CTNNA2: variants seen among roughly 807,000 people sequenced by gnomAD.
The protein encoded by CTNNA2 is catenin alpha-2.
CTNNA2 carries 42 observed loss-of-function variants against 101.0 expected under a neutral mutation model. The ratio of observed to expected loss-of-function variants is 0.42; its 90% CI spans 0.32 to 0.54. The LOEUF is 0.54. CTNNA2 is among the 20% of genes least tolerant of loss of function. CTNNA2 has a pLI of 0.14. For missense variants in CTNNA2, 871 were observed against 1,223.1 expected (o/e 0.71, Z 4.29); for synonymous variants, 450 against 456.4 (o/e 0.99, Z 0.18).
At chr2:79,265,083 G>T (rs1674972213) in intron 2 of CTNNA2, among the ~76,000 whole-genome samples, 2 of 152,108 alleles carry the variant, frequency 1.3e-5, no homozygotes, top group African/African-American at 4.8e-5. Context: ...TGCTTCCAGT[G>T]TAACAGTATT....
chr2:80,346,578 T>C (rs1672755482), intron 7 of CTNNA2, among the ~76,000 whole-genome samples: 1 of 152,204 alleles, frequency 6.6e-6, no homozygotes, highest in Non-Finnish European at 1.5e-5. Context: ...GTATCACCTT[T>C]GTAGCTTTCT....
At chr2:79,438,372 A>G (rs1382643105) in intron 4 of CTNNA2, among the ~76,000 whole-genome samples, 1 of 152,194 alleles carries the variant, frequency 6.6e-6, no homozygotes, top group Non-Finnish European at 1.5e-5. Flanking sequence ...TAATCTAGCC[A>G]TCCCAGTTTG....
intron 2 of CTNNA2, among the ~76,000 whole-genome samples, chr2:79,702,716 G>T (rs764125777): frequency 6.6e-6 from 1 of 152,170 alleles, no homozygotes; most frequent in Non-Finnish European, 1.5e-5. Flanking sequence ...GACTGTTTCT[G>T]GAGTTTTCTA....
intron 7 of CTNNA2, among the ~76,000 whole-genome samples, chr2:79,939,196 C>T (rs1262010126): frequency 6.6e-6 from 1 of 152,138 alleles, no homozygotes; most frequent in East Asian, 1.9e-4. Flanking sequence ...ATTCAAGGCA[C>T]AGCACCAAGT....
At chr2:79,847,542 CAAAAAAAAA>C (rs70940050) in intron 3 of CTNNA2, among the ~76,000 whole-genome samples, 7 of 40,168 alleles carry the variant, frequency 1.7e-4, no homozygotes, top group Middle Eastern at 0.077. Context: ...GACTCTGTCT[CAAAAAAAAA>C]AAAAAAAAAA....
chr2:79,596,639 A>G (rs888920137), intron 1 of CTNNA2, among the ~76,000 whole-genome samples: 1 of 152,198 alleles, frequency 6.6e-6, no homozygotes, highest in Non-Finnish European at 1.5e-5. Flanking sequence ...AGCTTTCTGC[A>G]AAAGAAAGGC....
intron 12 of CTNNA2, among the ~76,000 whole-genome samples, chr2:80,559,320 G>T (rs1693339324): frequency 6.6e-6 from 1 of 152,196 alleles, no homozygotes. Flanking sequence ...GGATGTTGCT[G>T]CTGAAGGTGT....
At chr2:80,066,866 A>G (rs925768666) in intron 7 of CTNNA2, among the ~76,000 whole-genome samples, 1 of 152,214 alleles carries the variant, frequency 6.6e-6, no homozygotes, top group South Asian at 2.1e-4. Flanking sequence ...ATGGATAAAG[A>G]AAACGTGGTG....
At chr2:80,036,307 C>T (rs1260411430) in intron 7 of CTNNA2, among the ~76,000 whole-genome samples, 2 of 152,142 alleles carry the variant, frequency 1.3e-5, no homozygotes, top group African/African-American at 4.8e-5. Flanking sequence ...TAGGTTAAGA[C>T]ACTCAGACAG....
At chr2:80,428,523 G>A (rs1307053351) in intron 9 of CTNNA2, among the ~76,000 whole-genome samples, 1 of 152,126 alleles carries the variant, frequency 6.6e-6, no homozygotes, top group Non-Finnish European at 1.5e-5. Flanking sequence ...ACAGAGAAGA[G>A]TCTGGGATGA....
chr2:79,934,749 A>G (rs1687668312), intron 7 of CTNNA2, among the ~76,000 whole-genome samples: 1 of 152,200 alleles, frequency 6.6e-6, no homozygotes, highest in Non-Finnish European at 1.5e-5. Flanking sequence ...ATTTCCCCCC[A>G]AAAAAGACAT....
chr2:79,448,779 G>T (rs1293603731), intron 4 of CTNNA2, among the ~76,000 whole-genome samples: 1 of 152,048 alleles, frequency 6.6e-6, no homozygotes, highest in Non-Finnish European at 1.5e-5. Flanking sequence ...GTTAGTTTAT[G>T]CCATGAAGAG....
chr2:79,439,401 C>A (rs1678753951), intron 4 of CTNNA2, among the ~76,000 whole-genome samples: 1 of 152,132 alleles, frequency 6.6e-6, no homozygotes, highest in Non-Finnish European at 1.5e-5. Context: ...TTTGTGGTTT[C>A]TAAGGACTAA....
chr2:80,500,035 A>T (rs938509429), intron 9 of CTNNA2, among the ~76,000 whole-genome samples: 14 of 152,276 alleles, frequency 9.2e-5, no homozygotes, highest in African/African-American at 3.4e-4. Context: ...TTATACAAAA[A>T]ATCCAAATGC....
At chr2:79,796,324 CT>C (rs1675692542) in intron 3 of CTNNA2, among the ~76,000 whole-genome samples, 1 of 147,300 alleles carries the variant, frequency 6.8e-6, no homozygotes, top group Non-Finnish European at 1.5e-5. Flanking sequence ...GGAGGCGGAG[CT>C]TGCAGTGAGC....
At chr2:79,549,584 AATG>A (rs1479986238) in intron 1 of CTNNA2, among the ~76,000 whole-genome samples, 1 of 152,216 alleles carries the variant, frequency 6.6e-6, no homozygotes, top group Non-Finnish European at 1.5e-5. Context: ...TATTTTGGAA[AATG>A]ATATGTTAAT....
chr2:80,485,583 C>CA lies in CTNNA2; in HGVS notation c.1291-59395dup, dbSNP rs974585497. 3.0e-4 allele frequency among the ~76,000 whole-genome samples: 46 copies of CA among 152,258 alleles called. 1 individual carries two copies. The highest frequency in any genetic ancestry group is 1.1e-3 in the African/African-American group (45 of 41,564). On this transcript the variant is annotated intron_variant, in intron 9 of 18. Coordinates refer to ENST00000402739, the MANE Select transcript of CTNNA2 (RefSeq NM_001282597.3). Reference sequence around the variant, plus strand: ...GATTTCAAATGCCATTATATTGTGACAAAATCCATATGTGTTTCAGTAGAA... The same window carrying CA: ...GATTTCAAATGCCATTATATTGTGACAAAAATCCATATGTGTTTCAGTAGAA...
At chr2:79,320,358 T>G (rs908218854) in intron 3 of CTNNA2, among the ~76,000 whole-genome samples, 3 of 151,322 alleles carry the variant, frequency 2.0e-5, no homozygotes, top group Non-Finnish European at 4.4e-5. Context: ...GTGATCTGTG[T>G]TAGCTTTCCA....
intron 17 of CTNNA2, among the ~76,000 whole-genome samples, chr2:80,612,789 A>C (rs887478086): frequency 2.0e-5 from 3 of 151,498 alleles, no homozygotes; most frequent in Middle Eastern, 3.4e-3. Flanking sequence ...TCAATTCTTC[A>C]TGATCTCCAT....
Sources: gnomAD v4.1 joint callset for allele counts (sites outside exome capture counted in the v4.1 genomes callset) on GRCh38, gnomAD v4.1.1 for gene constraint, MANE v1.5 for transcripts, NCBI Gene and HGNC (gene_info 2026-07-23, HGNC 2026-07-21) for gene names.